Variants in PRR16 observed in about 807,000 individuals in gnomAD.
PRR16 encodes protein Largen.
A neutral mutation model predicts 18.2 loss-of-function variants in PRR16; 6 were observed. The ratio of observed to expected loss-of-function variants is 0.33; its 90% CI spans 0.18 to 0.65. PRR16 has a LOEUF of 0.65. Among genes scored for constraint, PRR16 ranks in the 30% least tolerant of loss-of-function variants. The pLI is 0.74. For missense variants in PRR16, 412 were observed against 376.6 expected, an observed-to-expected ratio of 1.09 and a Z score of -0.78; for synonymous variants, 151 against 147.8, an observed-to-expected ratio of 1.02 and a Z score of -0.16.
intron 1 of PRR16, among the ~76,000 whole-genome samples, chr5:120,611,730 C>T (rs1754340172): frequency 6.6e-6 from 1 of 152,148 alleles, no homozygotes; most frequent in Non-Finnish European, 1.5e-5. Flanking sequence ...GGGTGGGGCC[C>T]ACATGGAGAA....
At chr5:120,742,737 T>C in the PRR16 span, among the ~76,000 whole-genome samples, 1 of 152,140 alleles carries the variant, frequency 6.6e-6, no homozygotes, top group African/African-American at 2.4e-5. Flanking sequence ...TAAATAAATA[T>C]ATTATTTGTT....
intron 1 of PRR16, among the ~76,000 whole-genome samples, chr5:120,551,417 G>C (rs995243039): frequency 6.6e-6 from 1 of 151,942 alleles, no homozygotes; most frequent in African/African-American, 2.4e-5. Context: ...TTGTGAGACC[G>C]TTAGCCGGTT....
At chr5:120,685,403 C>CT (rs1203283043) in intron 1 of PRR16, among the ~76,000 whole-genome samples, 1 of 152,068 alleles carries the variant, frequency 6.6e-6, no homozygotes, top group Non-Finnish European at 1.5e-5. Flanking sequence ...TGGTTGCTGC[C>CT]TTTTTTTCCT....
chr5:120,673,889 T>G (rs1580866041), intron 1 of PRR16, among the ~76,000 whole-genome samples: 1 of 150,948 alleles, frequency 6.6e-6, no homozygotes, highest in Non-Finnish European at 1.5e-5. Context: ...TAGGAGGCGG[T>G]GGCTACAGTG....
intron 1 of PRR16, among the ~76,000 whole-genome samples, chr5:120,567,889 T>C (rs946730540): frequency 1.6e-4 from 24 of 152,276 alleles, no homozygotes; most frequent in Middle Eastern, 6.8e-3. Flanking sequence ...AACAGACTAA[T>C]ACATACATGA....
chr5:120,637,741 C>T (rs1755287651), intron 1 of PRR16, among the ~76,000 whole-genome samples: 1 of 152,012 alleles, frequency 6.6e-6, no homozygotes, highest in East Asian at 1.9e-4. Flanking sequence ...AGAAATCACC[C>T]ACTTGGGAGA....
the PRR16 span, among the ~76,000 whole-genome samples, chr5:120,701,633 C>T: frequency 7.1e-6 from 1 of 141,494 alleles, no homozygotes; most frequent in South Asian, 2.2e-4. Context: ...TCTAGCTCGG[C>T]CTGGCAAGGA....
At chr5:120,711,875 A>G in the PRR16 span, among the ~76,000 whole-genome samples, 1 of 152,214 alleles carries the variant, frequency 6.6e-6, no homozygotes, top group Non-Finnish European at 1.5e-5. Context: ...GAGGCCAGGA[A>G]TGTGTCTCTA....
the PRR16 span, among the ~76,000 whole-genome samples, chr5:120,745,768 A>T: frequency 3.3e-5 from 5 of 151,658 alleles, no homozygotes; most frequent in Non-Finnish European, 7.4e-5. Flanking sequence ...GGGCGATCTC[A>T]GCTCACTACA....
chr5:120,585,608 A>T (rs1328894240), intron 1 of PRR16, among the ~76,000 whole-genome samples: 3 of 149,366 alleles, frequency 2.0e-5, no homozygotes. Context: ...ACAGAGTGAG[A>T]CTTGGTCTAA....
At chr5:120,665,640 T>G (rs934907854) in intron 1 of PRR16, among the ~76,000 whole-genome samples, 1 of 152,066 alleles carries the variant, frequency 6.6e-6, no homozygotes, top group Non-Finnish European at 1.5e-5. Flanking sequence ...TTGTGTAAGG[T>G]GTAAGGAAGG....
chr5:120,640,778 A>C (rs1755395823), intron 1 of PRR16, among the ~76,000 whole-genome samples: 1 of 152,126 alleles, frequency 6.6e-6, no homozygotes. Flanking sequence ...AACAAAACAC[A>C]ATTCTTCTCC....
chr5:120,574,435 C>A (rs560854458), intron 1 of PRR16, among the ~76,000 whole-genome samples: 4 of 151,992 alleles, frequency 2.6e-5, no homozygotes, highest in Non-Finnish European at 4.4e-5. Context: ...AAAACCCTGT[C>A]TCTGCTAAAA....
chr5:120,779,421 C>A, the PRR16 span, among the ~76,000 whole-genome samples: 1 of 151,908 alleles, frequency 6.6e-6, no homozygotes, highest in Non-Finnish European at 1.5e-5. Context: ...CAAAACAAAA[C>A]AAAACAAAAA....
the PRR16 span, among the ~76,000 whole-genome samples, chr5:120,712,100 A>G: frequency 1.3e-5 from 2 of 152,082 alleles, no homozygotes; most frequent in Non-Finnish European, 1.5e-5. Context: ...TTTTTATCAT[A>G]TAAGTTTGAG....
At chr5:120,725,302 G>T in the PRR16 span, among the ~76,000 whole-genome samples, 15 of 136,118 alleles carry the variant, frequency 1.1e-4, no homozygotes, top group East Asian at 2.2e-4. Context: ...ATTTGATGTT[G>T]TTTTTTTTTT....
intron 1 of PRR16, among the ~76,000 whole-genome samples, chr5:120,501,719 G>A (rs1294181770): frequency 6.6e-6 from 1 of 151,978 alleles, no homozygotes; most frequent in Non-Finnish European, 1.5e-5. Context: ...CACTTTGGGA[G>A]GCTGAGGCGG....
At chr5:120,762,795 G>A in the PRR16 span, among the ~76,000 whole-genome samples, 1 of 152,084 alleles carries the variant, frequency 6.6e-6, no homozygotes, top group South Asian at 2.1e-4. Context: ...ACTTTCATTA[G>A]TCTATTTCTG....
the PRR16 span, among the ~76,000 whole-genome samples, chr5:120,728,926 G>C: frequency 6.6e-6 from 1 of 152,102 alleles, no homozygotes; most frequent in Non-Finnish European, 1.5e-5. Flanking sequence ...ATATAGCACA[G>C]AATACCTTAA....
Sources: allele counts gnomAD v4.1 joint callset (sites outside exome capture counted in the v4.1 genomes callset), GRCh38; gene constraint gnomAD v4.1.1; transcripts MANE v1.5; gene names NCBI Gene and HGNC (gene_info 2026-07-23, HGNC 2026-07-21).